Variants in PTPRD observed in about 807,000 individuals in gnomAD.
PTPRD encodes protein tyrosine phosphatase receptor type D, also known as receptor-type tyrosine-protein phosphatase delta.
PTPRD carries 34 observed loss-of-function variants against 214.5 expected under a neutral mutation model. The observed-to-expected ratio is 0.16, with a 90% CI of 0.12 to 0.21. PTPRD has a LOEUF of 0.21. PTPRD is among the 10% of genes least tolerant of loss of function. PTPRD has a pLI of 1.00. For missense variants in PTPRD, 2,545 were observed against 2,398.7 expected, an observed-to-expected ratio of 1.06 and a Z score of -1.27; for synonymous variants, 1,128 against 845.7, an observed-to-expected ratio of 1.33 and a Z score of -5.79.
intron 7 of PTPRD, among the ~76,000 whole-genome samples, chr9:9,733,731 G>A (rs2098241201): frequency 1.3e-5 from 2 of 152,212 alleles, no homozygotes; most frequent in South Asian, 4.1e-4. Flanking sequence ...TGCGTCAGAT[G>A]AGTTGGGACA....
intron 10 of PTPRD, among the ~76,000 whole-genome samples, chr9:9,166,610 G>C (rs1347836746): frequency 6.6e-6 from 1 of 152,144 alleles, no homozygotes; most frequent in Non-Finnish European, 1.5e-5. Flanking sequence ...TGCTGCAACA[G>C]ACCATGTTAG....
At chr9:10,027,666 T>C (rs1343898216) in intron 4 of PTPRD, among the ~76,000 whole-genome samples, 1 of 152,150 alleles carries the variant, frequency 6.6e-6, no homozygotes, top group Non-Finnish European at 1.5e-5. Context: ...AGCATTGAAC[T>C]TGTCATGGTT....
intron 12 of PTPRD, among the ~76,000 whole-genome samples, chr9:8,642,576 C>T (rs571648745): frequency 2.6e-5 from 4 of 152,174 alleles, no homozygotes; most frequent in Non-Finnish European, 4.4e-5. Context: ...TCTCTGTAAG[C>T]GTCAGGATGA....
chr9:10,126,278 T>C (rs1358377629), intron 3 of PTPRD, among the ~76,000 whole-genome samples: 1 of 152,136 alleles, frequency 6.6e-6, no homozygotes, highest in Non-Finnish European at 1.5e-5. Context: ...GGCATTTACG[T>C]ATTGTACCAG....
At chr9:8,333,609 T>C (rs1407331022) in intron 43 of PTPRD, among the ~76,000 whole-genome samples, 1 of 151,996 alleles carries the variant, frequency 6.6e-6, no homozygotes, top group Non-Finnish European at 1.5e-5. Flanking sequence ...CATACCAAAT[T>C]GTAAAGACCA....
intron 10 of PTPRD, among the ~76,000 whole-genome samples, chr9:9,080,310 T>G (rs530005457): frequency 6.6e-6 from 1 of 152,164 alleles, no homozygotes; most frequent in South Asian, 2.1e-4. Context: ...AGAATGACAT[T>G]TTTAAATCCT....
chr9:9,222,357 A>AT (rs1569564369), intron 9 of PTPRD, among the ~76,000 whole-genome samples: 1 of 152,020 alleles, frequency 6.6e-6, no homozygotes, highest in Non-Finnish European at 1.5e-5. Context: ...AAATGGCATT[A>AT]TTTTTGAAAT....
At chr9:9,665,687 T>C (rs1249975765) in intron 7 of PTPRD, among the ~76,000 whole-genome samples, 1 of 151,820 alleles carries the variant, frequency 6.6e-6, no homozygotes, top group Admixed American at 6.6e-5. Flanking sequence ...AGAATAGTTC[T>C]ATTTGAATTT....
intron 5 of PTPRD, among the ~76,000 whole-genome samples, chr9:9,849,284 A>C (rs1323302016): frequency 6.6e-6 from 1 of 150,924 alleles, no homozygotes; most frequent in Admixed American, 6.6e-5. Flanking sequence ...GGAAGGAAAC[A>C]CATGTCTGAA....
intron 11 of PTPRD, among the ~76,000 whole-genome samples, chr9:8,935,307 C>A (rs929733206): frequency 2.0e-5 from 3 of 152,028 alleles, no homozygotes; most frequent in African/African-American, 7.2e-5. Flanking sequence ...TATATACTAG[C>A]AATTATTTAA....
At position 9,998,127 on chromosome 9, in the gene PTPRD, AAAAT is replaced by A. The variant is rs1200001670; in HGVS notation, c.-472+35587_-472+35590del. 2.0e-3 allele frequency among the ~76,000 whole-genome samples: 109 copies of A among 55,190 alleles called. 1 individual carries two copies. The highest frequency in any genetic ancestry group is 7.2e-3 in the African/African-American group (107 of 14,874). The allele number at this position is 55,190 out of a possible 152,430, so 36.2% of individuals were successfully genotyped here. On this transcript the variant is annotated intron_variant, in intron 4 of 45. Coordinates refer to ENST00000381196, the MANE Select transcript of PTPRD (RefSeq NM_002839.4). ...ACTTAAAGTATAATAAAAAAAAAAA[AAAAT>A]ATATATATATATATAAAAGAAGAAG...
intron 6 of PTPRD, among the ~76,000 whole-genome samples, chr9:9,760,651 CACAT>C (rs747231952): frequency 0.084 from 5,927 of 70,256 alleles, 169 homozygotes; most frequent in East Asian, 0.24. Context: ...CACACACACA[CACAT>C]ATATATATAT....
intron 11 of PTPRD, among the ~76,000 whole-genome samples, chr9:8,813,138 C>T (rs1366286088): frequency 6.6e-6 from 1 of 152,086 alleles, no homozygotes; most frequent in Non-Finnish European, 1.5e-5. Context: ...AATGGGGCTC[C>T]AATGTGTTCA....
Position 8,391,202 on chromosome 9 carries a change from G to A in PTPRD, c.4211-1795C>T, listed in dbSNP as rs2089421322. Among the ~76,000 whole-genome samples, 3 of 151,826 alleles carry A rather than the reference G, an allele frequency of 2.0e-5. No homozygotes were observed. In the South Asian group the frequency reaches 6.2e-4, roughly 32 times the overall value. On this transcript the variant is annotated intron_variant, in intron 36 of 45. Coordinates refer to ENST00000381196, the MANE Select transcript of PTPRD (RefSeq NM_002839.4). ...CTCAAATTGTTATATTTCACTGATT[G>A]CCACTTGCAATGACTTTGACTGCTT...
intron 21 of PTPRD, among the ~76,000 whole-genome samples, chr9:8,512,268 A>C (rs2097697846): frequency 6.6e-6 from 1 of 152,124 alleles, no homozygotes; most frequent in South Asian, 2.1e-4. Context: ...TAAATGCCAC[A>C]AATATATCAT....
intron 3 of PTPRD, among the ~76,000 whole-genome samples, chr9:10,062,705 T>G (rs1376743710): frequency 7.4e-6 from 1 of 134,288 alleles, no homozygotes; most frequent in Non-Finnish European, 1.5e-5. Context: ...AGGAAAGTAA[T>G]ATTTTTTTTC....
At chr9:10,135,009 A>G (rs2098931634) in intron 3 of PTPRD, among the ~76,000 whole-genome samples, 1 of 152,160 alleles carries the variant, frequency 6.6e-6, no homozygotes, top group South Asian at 2.1e-4. Flanking sequence ...GAAAGATGAC[A>G]TAGCAATTTT....
intron 11 of PTPRD, among the ~76,000 whole-genome samples, chr9:8,774,065 C>T (rs896219789): frequency 3.3e-5 from 5 of 152,280 alleles, no homozygotes; most frequent in South Asian, 4.1e-4. Flanking sequence ...TTACTTTGTA[C>T]CACAGCTATT....
chr9:9,752,003 C>T (rs938460554), intron 6 of PTPRD, among the ~76,000 whole-genome samples: 10 of 151,988 alleles, frequency 6.6e-5, no homozygotes, highest in Non-Finnish European at 1.3e-4. Flanking sequence ...CAACTATATT[C>T]GATTTATTCT....
Sources: allele counts gnomAD v4.1 joint callset (sites outside exome capture counted in the v4.1 genomes callset), GRCh38; gene constraint gnomAD v4.1.1; transcripts MANE v1.5; gene names NCBI Gene and HGNC (gene_info 2026-07-23, HGNC 2026-07-21).